Variants in CHD7 observed in about 807,000 individuals in gnomAD.
CHD7 encodes ATP-dependent chromatin remodeler CHD7.
CHD7 carries 24 observed loss-of-function variants against 307.3 expected under a neutral mutation model. The ratio of observed to expected loss-of-function variants is 0.08; its 90% CI spans 0.06 to 0.11. The LOEUF is 0.11. Among genes scored for constraint, CHD7 ranks in the 10% least tolerant of loss-of-function variants. The probability of loss-of-function intolerance (pLI) is 1.00; values close to 1 mark genes in which losing one functional copy is unlikely to be tolerated. For synonymous variants in CHD7, 1,363 were observed against 1,349.9 expected (o/e 1.01, Z -0.21); for missense variants, 3,106 against 3,727.1 (o/e 0.83, Z 4.34).
At chr8:60,833,078 G>A (rs930940085) in intron 15 of CHD7, among the ~76,000 whole-genome samples, 1 of 152,188 alleles carries the variant, frequency 6.6e-6, no homozygotes, top group Admixed American at 6.5e-5. Context: ...TCCAGGGCCC[G>A]TACTGTTCAT....
intron 25 of CHD7, 143 bp from the exon 26 acceptor site, chr8:60,850,349 TA>T: frequency 2.0e-6 from 2 of 1,002,262 alleles, no homozygotes; most frequent in Non-Finnish European, 2.8e-6. Flanking sequence ...AATGATCTAC[TA>T]AAACAAGGTC....
intron 1 of CHD7, among the ~76,000 whole-genome samples, chr8:60,735,585 A>G (rs1808662258): frequency 6.6e-6 from 1 of 152,216 alleles, no homozygotes; most frequent in African/African-American, 2.4e-5. Flanking sequence ...GTTGGGAGAT[A>G]ATACAGAAAG....
Position 60,741,556 on chromosome 8 carries a change from C to T in CHD7, c.124C>T (p.Pro42Ser), listed in dbSNP as rs1300386910. The T allele has an allele frequency of 2.5e-6, 4 of 1,613,378 alleles. No homozygotes were observed. Among genetic ancestry groups the T allele is most frequent in the Middle Eastern group, 3.3e-4 (2 of 6,084 alleles). The change falls in exon 2 of 38, where the codon CCA becomes TCA. Residue 42 changes from proline (P) to serine (S), a missense_variant. Physicochemically the swap from Pro to Ser is moderately conservative, Grantham distance 74. Around this residue, in one of 10 missense-constraint regions of CHD7, gnomAD observed 998 missense variants for 1,004.5 expected, o/e 0.99. Transcript: ENST00000423902. ...NPVNPMGQQMPIDQGFASLQP... is the reference protein window; with the variant it reads ...NPVNPMGQQMSIDQGFASLQP... ...AGTAAATCCTATGGGTCAGCAAATG[C>T]CAATAGACCAAGGCTTTGCCTCTTT... is the stretch of plus-strand genomic sequence containing the variant.
At chr8:60,709,629 T>G (rs1807187803) in intron 1 of CHD7, among the ~76,000 whole-genome samples, 2 of 152,220 alleles carry the variant, frequency 1.3e-5, no homozygotes. Context: ...AGTTTTTAAA[T>G]AGAAATTTAA....
intron 7 of CHD7, among the ~76,000 whole-genome samples, chr8:60,810,428 C>A (rs1812745217): frequency 6.6e-6 from 1 of 151,296 alleles, no homozygotes; most frequent in African/African-American, 2.4e-5. Flanking sequence ...TACACACACA[C>A]TTATCTGTTT....
At position 60,856,649 on chromosome 8, in the gene CHD7, A is replaced by G; in HGVS notation, c.7369A>G (p.Asn2457Asp). ...ASREATSSTS[N>D]FSSLSSKFIL... ...AAGAGAGGCAACAAGCTCTACCTCA[A>G]ATTTTTCATCTCTTTCTTCAAAGTT... Residue 2457 changes from asparagine to aspartate, a missense_variant, in exon 34 of 38, where the codon AAT becomes GAT. Asn to Asp is a conservative substitution (Grantham distance 23). Around this residue, in one of 10 missense-constraint regions of CHD7, gnomAD observed 1,030 missense variants for 1,165.4 expected, o/e 0.88. Coordinates refer to ENST00000423902, the MANE Select transcript of CHD7 (RefSeq NM_017780.4). The G allele has an allele frequency of 6.2e-7, 1 of 1,614,022 alleles. No individual in the cohort carries two copies. The highest frequency in any genetic ancestry group is 8.5e-7 in the Non-Finnish European group (1 of 1,179,892).
chr8:60,711,647 C>T (rs994579122), intron 1 of CHD7, among the ~76,000 whole-genome samples: 3 of 152,114 alleles, frequency 2.0e-5, no homozygotes, highest in Non-Finnish European at 4.4e-5. Context: ...GTAAAGCATA[C>T]GATTTGGAAG....
chr8:60,865,142 G>A lies in CHD7; in HGVS notation c.8203G>A (p.Val2735Met). 1 of 1,612,026 alleles carries A rather than the reference G, an allele frequency of 6.2e-7. No individual in the cohort carries two copies. The highest frequency in any genetic ancestry group is 8.5e-7 in the Non-Finnish European group (1 of 1,179,158). The change falls in exon 38 of 38, where the codon GTG becomes ATG. Residue 2735 changes from valine to methionine, a missense_variant. By Grantham distance (21) the Val-to-Met change is conservative. Around this residue, in one of 10 missense-constraint regions of CHD7, gnomAD observed 351 missense variants for 366.2 expected, o/e 0.96. Transcript: ENST00000423902. This position sits in a 1 kb window ranked among gnomAD's most constrained non-coding sequence, Gnocchi z 4.3. ...CAGAGCAGCCGCGGCCGCCGCTGCT[G>A]TGGCCTCCACGTCAGGGATCAACCC... ...IARAAAAAAAVASTSGINPLL... is the reference protein window; with the variant it reads ...IARAAAAAAAMASTSGINPLL...
chr8:60,859,102 A>G (rs1360915398), intron 34 of CHD7, among the ~76,000 whole-genome samples: 1 of 152,142 alleles, frequency 6.6e-6, no homozygotes, highest in African/African-American at 2.4e-5. Context: ...GCCTGAGAGA[A>G]TTCCTAATTG....
At chr8:60,827,371 G>C (rs556732943) in intron 13 of CHD7, among the ~76,000 whole-genome samples, 3 of 151,822 alleles carry the variant, frequency 2.0e-5, no homozygotes, top group Non-Finnish European at 4.4e-5. Context: ...ATTTAATGTC[G>C]TAATAAAGGA....
At chr8:60,760,320 T>G (rs1810116371) in intron 2 of CHD7, among the ~76,000 whole-genome samples, 1 of 151,226 alleles carries the variant, frequency 6.6e-6, no homozygotes, top group East Asian at 1.9e-4. Flanking sequence ...ATCCCTTCCT[T>G]ACACCTTATA....
intron 1 of CHD7, among the ~76,000 whole-genome samples, chr8:60,706,763 A>G (rs1807039932): frequency 1.3e-5 from 2 of 152,144 alleles, no homozygotes; most frequent in African/African-American, 4.8e-5. Context: ...GTTTTCATAT[A>G]TGAAAAAAGG....
rs1476556109 is a variant in CHD7, at chr8:60,865,761, A to G, written c.8822A>G (p.Lys2941Arg). ...VGSSEEKAAD[K>R]AEGGPFKDGE... ...TCCAGCGAAGAAAAGGCTGCTGACA[A>G]GGCTGAGGGAGGACCCTTTAAAGAT... Residue 2941 changes from lysine to arginine, a missense_variant, in exon 38 of 38, where the codon AAG becomes AGG. Lys to Arg is a conservative substitution (Grantham distance 26). Transcript: ENST00000423902. This position sits in a 1 kb window ranked among gnomAD's most constrained non-coding sequence, Gnocchi z 4.3. 2 of 1,612,998 alleles carry G rather than the reference A, an allele frequency of 1.2e-6. No individual in the cohort carries two copies. The highest frequency in any genetic ancestry group is 1.7e-5 in the Admixed American group (1 of 59,850).
In CHD7 at chr8:60,692,588, T is replaced by A. The variant is rs1431560226; in HGVS notation, c.-175+13506T>A. Among the ~76,000 whole-genome samples, 20 of 152,190 alleles carry A rather than the reference T, an allele frequency of 1.3e-4. 1 individual carries two copies. Among genetic ancestry groups the A allele is most frequent in the Non-Finnish European group, 1.0e-4 (7 of 68,030 alleles). On this transcript the variant is annotated intron_variant, in intron 1 of 37. Transcript: ENST00000423902. Reference sequence around the variant, plus strand: ...TTTCTTGGAGGACTTGTTAGCATAATTTCGTGTAAGACAGGATGCTTATAT... The same window carrying A: ...TTTCTTGGAGGACTTGTTAGCATAAATTCGTGTAAGACAGGATGCTTATAT...
Position 60,851,715 on chromosome 8 carries a change from C to T in CHD7, c.5666-304C>T, listed in dbSNP as rs1586442670. 2.6e-5 allele frequency among the ~76,000 whole-genome samples: 4 copies of T among 152,234 alleles called. No homozygotes were observed. The South Asian group carries it at 8.3e-4, about 32-fold the overall frequency. On this transcript the variant is annotated intron_variant, in intron 28 of 37. Transcript: ENST00000423902. ...AACAATTATGCAGTTATTTTTTATA[C>T]TCAAGATGATTATTGCACATACATT...
At position 60,742,472 on chromosome 8, in the gene CHD7, A is replaced by G. The variant is rs1809092843; in HGVS notation, c.1040A>G (p.Tyr347Cys). 1 of 1,613,828 alleles carries G rather than the reference A, an allele frequency of 6.2e-7. No homozygotes were observed. Among genetic ancestry groups the G allele is most frequent in the Admixed American group, 1.7e-5 (1 of 60,000 alleles). ...CCAATGAATCAGTCCGTACCAAGAT[A>G]CCCCAATGCTGTAGGATTCCCATCA... ...NTPMNQSVPR[Y>C]PNAVGFPSNS... Residue 347 changes from tyrosine to cysteine, a missense_variant, in exon 2 of 38, where the codon TAC (tyrosine) becomes TGC (cysteine). Physicochemically the swap from Tyr to Cys is radical, Grantham distance 194 (BLOSUM62 -2). Coordinates refer to ENST00000423902, the MANE Select transcript of CHD7 (RefSeq NM_017780.4).
rs1806264609 is a variant in CHD7, at chr8:60,867,050, T to C, written c.*1117T>C. The C allele has an allele frequency of 6.6e-6, 1 of 152,174 alleles. No homozygotes were observed. The highest frequency in any genetic ancestry group is 1.5e-5 in the Non-Finnish European group (1 of 68,040). The allele number at this position is 152,174 out of a possible 1,614,324, so 9.4% of individuals were successfully genotyped here. ...ATTAGCTTTTGGTAAGACACTAAAC[T>C]GTCTCGAAGACTAGACAGGAAGGAA... On this transcript the variant is annotated 3_prime_UTR_variant, in exon 38 of 38. Transcript: ENST00000423902.
At chr8:60,797,340 C>T (rs1389553090) in intron 4 of CHD7, among the ~76,000 whole-genome samples, 1 of 152,100 alleles carries the variant, frequency 6.6e-6, no homozygotes, top group African/African-American at 2.4e-5. Flanking sequence ...ACCTCGTATC[C>T]ACTGCTAACT....
intron 33 of CHD7, 50 bp downstream of exon 33, chr8:60,856,252 C>A: frequency 7.1e-7 from 1 of 1,414,856 alleles, no homozygotes; most frequent in African/African-American, 1.4e-5. Flanking sequence ...CTCTCTAAGC[C>A]TTAACTGAGT....
Sources: gnomAD v4.1 joint callset for allele counts (sites outside exome capture counted in the v4.1 genomes callset) on GRCh38, gnomAD v4.1.1 for gene constraint, gnomAD v4.1.1 regional missense constraint, Gnocchi (gnomAD v3.1) non-coding constraint, MANE v1.5 for transcripts, NCBI Gene and HGNC (gene_info 2026-07-23, HGNC 2026-07-21) for gene names.